ZNF385D: variants seen among roughly 807,000 people sequenced by gnomAD.
The protein encoded by ZNF385D is zinc finger protein 659.
ZNF385D carries 15 observed loss-of-function variants against 35.8 expected under a neutral mutation model. That is an observed-to-expected ratio of 0.42 (90% confidence interval 0.28 to 0.64). The LOEUF (loss-of-function observed/expected upper bound fraction) is 0.64. Ranked by LOEUF, ZNF385D falls within the 30% of genes least tolerant of loss-of-function variation. ZNF385D has a pLI of 0.23. For missense variants in ZNF385D, 474 were observed against 494.6 expected (o/e 0.96, Z 0.39); for synonymous variants, 212 against 186.8 (o/e 1.13, Z -1.10).
intron 2 of ZNF385D, among the ~76,000 whole-genome samples, chr3:22,224,252 T>C (rs1312495511): frequency 2.0e-5 from 3 of 152,184 alleles, no homozygotes; most frequent in African/African-American, 7.2e-5. Flanking sequence ...GAGATATAAT[T>C]AAACTGAAGT....
intron 2 of ZNF385D, among the ~76,000 whole-genome samples, chr3:22,352,642 T>G (rs1236973025): frequency 1.3e-5 from 2 of 152,176 alleles, no homozygotes; most frequent in Non-Finnish European, 2.9e-5. Context: ...TTCCTATCAC[T>G]AAAGGTTTAT....
rs375320301 is a variant in ZNF385D at position 22,182,641 on chromosome 3, G to GTAGTA, written c.107-13611_107-13607dup. ...GAAACTCATTAAAAAGATAAACTAG[G>GTAGTA]TAGTATTCATTTTTCACTATGGTAC... is the stretch of plus-strand genomic sequence containing the variant. On this transcript the variant is annotated intron_variant, in intron 2 of 5. Transcript: ENST00000494108. Among the ~76,000 whole-genome samples, 1,047 of 151,412 alleles carry GTAGTA rather than the reference G, an allele frequency of 6.9e-3. 12 individuals are homozygous for GTAGTA. The highest frequency in any genetic ancestry group is 0.024 in the African/African-American group (973 of 41,264).
intron 3 of ZNF385D, among the ~76,000 whole-genome samples, chr3:21,818,226 T>C (rs78263908): frequency 6.6e-6 from 1 of 152,092 alleles, no homozygotes; most frequent in Non-Finnish European, 1.5e-5. Flanking sequence ...AAATACCTAA[T>C]GTAAATGACG....
At chr3:21,720,279 G>A (rs1185650021) in intron 1 of ZNF385D, among the ~76,000 whole-genome samples, 1 of 152,152 alleles carries the variant, frequency 6.6e-6, no homozygotes, top group Non-Finnish European at 1.5e-5. Flanking sequence ...TACAAATTCT[G>A]GCCAGGTGCA....
intron 3 of ZNF385D, among the ~76,000 whole-genome samples, chr3:22,118,148 C>A (rs934527161): frequency 6.6e-6 from 1 of 151,918 alleles, no homozygotes; most frequent in Non-Finnish European, 1.5e-5. Context: ...ATAAATGAAG[C>A]GTACTTTACT....
chr3:22,084,390 C>T (rs572534247), intron 3 of ZNF385D, among the ~76,000 whole-genome samples: 17 of 152,162 alleles, frequency 1.1e-4, no homozygotes, highest in African/African-American at 3.9e-4. Context: ...GAAGATCTAC[C>T]AAGCAAATGG....
At chr3:21,640,149 CTG>C (rs1241056945) in intron 2 of ZNF385D, among the ~76,000 whole-genome samples, 3 of 152,058 alleles carry the variant, frequency 2.0e-5, no homozygotes, top group Non-Finnish European at 4.4e-5. Context: ...GGACTCCACT[CTG>C]TGCTGTGAGA....
intron 5 of ZNF385D, among the ~76,000 whole-genome samples, chr3:21,427,647 T>C (rs1006268400): frequency 2.6e-5 from 4 of 152,140 alleles, no homozygotes; most frequent in Non-Finnish European, 2.9e-5. Context: ...AGGCAAAGAT[T>C]CAGAAAATAT....
chr3:22,036,972 T>C (rs1041370459), intron 3 of ZNF385D, among the ~76,000 whole-genome samples: 1 of 151,378 alleles, frequency 6.6e-6, no homozygotes, highest in Non-Finnish European at 1.5e-5. Flanking sequence ...GTTTGGTTTT[T>C]TGTCCCTGTG....
At chr3:21,751,237 C>T, upstream of ZNF385D, 1 of 1,127,288 alleles carries the variant, frequency 8.9e-7, no homozygotes, top group Non-Finnish European at 1.1e-6. Flanking sequence ...GACCCCTCCA[C>T]CCCACCCCAC....
At chr3:21,853,383 T>C (rs1171485597) in intron 3 of ZNF385D, among the ~76,000 whole-genome samples, 2 of 151,958 alleles carry the variant, frequency 1.3e-5, no homozygotes, top group South Asian at 2.1e-4. Flanking sequence ...TCAGAAATAA[T>C]ATGTTCAGTA....
At chr3:21,516,437 T>C (rs1439279469) in intron 3 of ZNF385D, among the ~76,000 whole-genome samples, 1 of 152,166 alleles carries the variant, frequency 6.6e-6, no homozygotes, top group East Asian at 1.9e-4. Flanking sequence ...TTACCCTTTT[T>C]TTTAAAGAGA....
intron 3 of ZNF385D, among the ~76,000 whole-genome samples, chr3:22,137,470 A>G (rs545359597): frequency 9.2e-5 from 14 of 152,330 alleles, no homozygotes; most frequent in African/African-American, 3.4e-4. Flanking sequence ...AAGCTTATCC[A>G]CCATGATCAA....
intron 3 of ZNF385D, among the ~76,000 whole-genome samples, chr3:21,536,435 A>G (rs1447433171): frequency 6.6e-6 from 1 of 152,080 alleles, no homozygotes; most frequent in African/African-American, 2.4e-5. Flanking sequence ...CATGGTGTGT[A>G]GGCTTCTATG....
At chr3:21,588,124 A>G (rs1246403902) in intron 2 of ZNF385D, among the ~76,000 whole-genome samples, 1 of 152,166 alleles carries the variant, frequency 6.6e-6, no homozygotes, top group Middle Eastern at 3.2e-3. Flanking sequence ...AAATGTATGT[A>G]GAGATAAATA....
intron 2 of ZNF385D, among the ~76,000 whole-genome samples, chr3:22,280,935 G>A (rs1477867107): frequency 6.6e-6 from 1 of 151,968 alleles, no homozygotes; most frequent in Non-Finnish European, 1.5e-5. Flanking sequence ...TTTCCTTGTA[G>A]AGGTCTTCAC....
At chr3:22,243,895 T>C (rs1402776301) in intron 2 of ZNF385D, among the ~76,000 whole-genome samples, 3 of 150,846 alleles carry the variant, frequency 2.0e-5, no homozygotes, top group African/African-American at 4.9e-5. Context: ...ATATGGCCCT[T>C]AAGCTCAGGA....
chr3:22,338,827 G>A (rs917946450), intron 2 of ZNF385D, among the ~76,000 whole-genome samples: 2 of 150,702 alleles, frequency 1.3e-5, no homozygotes, highest in Non-Finnish European at 3.0e-5. Flanking sequence ...CAGCCTCCTG[G>A]GTAGCTGGGA....
chr3:21,648,918 T>G (rs778940989), intron 2 of ZNF385D, among the ~76,000 whole-genome samples: 2 of 152,198 alleles, frequency 1.3e-5, no homozygotes, highest in Admixed American at 6.5e-5. Context: ...CATAGTAGTA[T>G]TATCTCCATT....
Sources: gnomAD v4.1 joint callset for allele counts (sites outside exome capture counted in the v4.1 genomes callset) on GRCh38, gnomAD v4.1.1 for gene constraint, MANE v1.5 for transcripts, NCBI Gene and HGNC (gene_info 2026-07-23, HGNC 2026-07-21) for gene names.